The following HYAL4 variants were observed in gnomAD, a reference collection of about 807,000 sequenced individuals.
HYAL4 encodes the protein hyaluronidase 4.
HYAL4 carries 37 observed loss-of-function variants against 35.2 expected under a neutral mutation model. That is an observed-to-expected ratio of 1.05 (90% CI 0.81 to 1.38). The LOEUF (loss-of-function observed/expected upper bound fraction) is 1.38, where lower values mean the gene tolerates loss of function less well. Among genes scored for constraint, HYAL4 ranks in the 40% most tolerant of loss-of-function variants. The probability of loss-of-function intolerance (pLI) is 0.00; values close to 1 mark genes in which losing one functional copy is unlikely to be tolerated. For missense variants in HYAL4, 572 were observed against 572.4 expected, an observed-to-expected ratio of 1.00 and a Z score of 0.01; for synonymous variants, 198 against 203.2, an observed-to-expected ratio of 0.97 and a Z score of 0.22.
chr7:123,861,127 TC>T (rs916922434), intron 2 of HYAL4, among the ~76,000 whole-genome samples: 43 of 152,248 alleles, frequency 2.8e-4, no homozygotes, highest in African/African-American at 1.0e-3. Context: ...TCCAACTCTC[TC>T]CTGCTTAAAT....
At position 123,877,013 on chromosome 7, in the gene HYAL4, G is replaced by C; in HGVS notation, c.1304G>C (p.Cys435Ser). Residue 435 changes from cysteine to serine, a missense_variant, in exon 5 of 5, where the codon TGT becomes TCT. By Grantham distance (112) the Cys-to-Ser change is moderately radical (BLOSUM62 -1). Transcript: ENST00000223026. ...DLAVMADTFS[C>S]HCYQGYEGAD... ...GCAGTGATGGCAGATACATTTTCCTGTCATTGTTATCAGGGATATGAAGGA... is the reference window on the plus strand; with the variant it reads ...GCAGTGATGGCAGATACATTTTCCTCTCATTGTTATCAGGGATATGAAGGA... 6.2e-7 allele frequency: 1 copy of C among 1,614,212 alleles called. No homozygotes were observed. Among genetic ancestry groups the C allele is most frequent in the Middle Eastern group, 1.6e-4 (1 of 6,062 alleles).
chr7:123,874,715 TG>T (rs760879781), intron 3 of HYAL4, 45 bp from the exon 4 acceptor site: 1 of 1,195,134 alleles, frequency 8.4e-7, no homozygotes, highest in South Asian at 1.2e-5. Flanking sequence ...CCTGGTGGAT[TG>T]TTTTACATTC....
chr7:123,851,436 C>G (rs1258101632), intron 2 of HYAL4, among the ~76,000 whole-genome samples: 1 of 152,036 alleles, frequency 6.6e-6, no homozygotes, highest in Non-Finnish European at 1.5e-5. Flanking sequence ...TGTTCCCCTC[C>G]CTGTGTCCAT....
At chr7:123,806,278 T>C in the HYAL4 span, among the ~76,000 whole-genome samples, 1 of 152,146 alleles carries the variant, frequency 6.6e-6, no homozygotes, top group African/African-American at 2.4e-5. Flanking sequence ...GTAAGTTCCA[T>C]AGGTGGGCTT....
chr7:123,771,172 T>C, the HYAL4 span, among the ~76,000 whole-genome samples: 3 of 152,200 alleles, frequency 2.0e-5, no homozygotes, highest in African/African-American at 4.8e-5. Flanking sequence ...TTTCCTGATA[T>C]AATATCATGG....
chr7:123,849,105 C>CTTAAAG (rs1285489723), intron 2 of HYAL4, among the ~76,000 whole-genome samples: 8 of 152,076 alleles, frequency 5.3e-5, no homozygotes, highest in Admixed American at 5.2e-4. Context: ...AAAGAGAAAT[C>CTTAAAG]TTAAAGTTGA....
At chr7:123,860,296 C>G (rs1043373993) in intron 2 of HYAL4, among the ~76,000 whole-genome samples, 2 of 152,134 alleles carry the variant, frequency 1.3e-5, no homozygotes, top group African/African-American at 4.8e-5. Flanking sequence ...CAGGTATTTC[C>G]TTATAGCAGT....
intron 2 of HYAL4, among the ~76,000 whole-genome samples, chr7:123,861,224 C>G (rs1049076271): frequency 6.6e-6 from 1 of 152,146 alleles, no homozygotes; most frequent in African/African-American, 2.4e-5. Flanking sequence ...TATCCCAACA[C>G]TCCTAATCAA....
intron 3 of HYAL4, among the ~76,000 whole-genome samples, chr7:123,869,519 A>G (rs953461057): frequency 1.3e-5 from 2 of 152,196 alleles, no homozygotes; most frequent in African/African-American, 2.4e-5. Context: ...CTCACTTACA[A>G]TCGGGCATTT....
the HYAL4 span, among the ~76,000 whole-genome samples, chr7:123,765,343 A>G: frequency 6.6e-6 from 1 of 152,168 alleles, no homozygotes; most frequent in East Asian, 1.9e-4. Flanking sequence ...GTAGGTAAGG[A>G]GAAAAATAGC....
the HYAL4 span, among the ~76,000 whole-genome samples, chr7:123,781,116 G>A: frequency 0.078 from 2,917 of 37,174 alleles, 66 homozygotes; most frequent in Middle Eastern, 0.16. Context: ...CAGTTGAGAC[G>A]AGAGGAAGGC....
chr7:123,796,749 C>G, the HYAL4 span, among the ~76,000 whole-genome samples: 1 of 152,090 alleles, frequency 6.6e-6, no homozygotes, highest in Non-Finnish European at 1.5e-5. Context: ...GAATATTATT[C>G]AGCCATGAAA....
At chr7:123,814,379 A>G in the HYAL4 span, 1 of 152,678 alleles carries the variant, frequency 6.5e-6, no homozygotes, top group Non-Finnish European at 1.5e-5. Context: ...ATTTTATCCA[A>G]ATGAATTAGG....
the HYAL4 span, among the ~76,000 whole-genome samples, chr7:123,776,102 A>G: frequency 6.6e-6 from 1 of 152,248 alleles, no homozygotes; most frequent in Non-Finnish European, 1.5e-5. Context: ...GCATAAAGTA[A>G]GATATCTTTC....
chr7:123,777,452 G>T, the HYAL4 span, among the ~76,000 whole-genome samples: 593 of 152,148 alleles, frequency 3.9e-3, 2 homozygotes, highest in African/African-American at 9.4e-3. Flanking sequence ...AATTATACAT[G>T]TGGCTTGCAT....
At position 123,835,828 on chromosome 7, in the gene HYAL4, T is replaced by C. The variant is rs537516683; in HGVS notation, c.-257+6704T>C. Among the ~76,000 whole-genome samples the C allele has an allele frequency of 3.9e-5, 6 of 152,336 alleles. No homozygotes were observed. In the East Asian group the frequency reaches 1.2e-3, roughly 29 times the overall value. On this transcript the variant is annotated intron_variant, in intron 1 of 4. Coordinates refer to the HYAL4 transcript ENST00000489978. The stretch of plus-strand genomic sequence containing the variant: ...TTTTAAATTTCCTTCTTTATTTCAC[T>C]GTTGACCCAATGATCATTCAGGAGC...
At chr7:123,785,832 A>G in the HYAL4 span, among the ~76,000 whole-genome samples, 1 of 152,208 alleles carries the variant, frequency 6.6e-6, no homozygotes, top group Non-Finnish European at 1.5e-5. This position sits in a 1 kb window ranked among gnomAD's most constrained non-coding sequence, Gnocchi z 4.5. Context: ...GCCCTGGATT[A>G]CATTGAAAAT....
chr7:123,845,506 C>T lies in HYAL4; in HGVS notation c.-301C>T, dbSNP rs531908729. The T allele has an allele frequency of 2.6e-5, 4 of 152,194 alleles. No individual in the cohort carries two copies. Among genetic ancestry groups the T allele is most frequent in the East Asian group, 3.9e-4 (2 of 5,172 alleles). The allele number at this position is 152,194 out of a possible 1,614,324, so 9.4% of individuals were successfully genotyped here. On this transcript the variant is annotated 5_prime_UTR_variant, in exon 1 of 5. Transcript: ENST00000223026. ...TACAGGGGTGAGCCACCGTGCCTTGCTATTTATGCCATCTATTTCACTGAA... is the reference window on the plus strand; with the variant it reads ...TACAGGGGTGAGCCACCGTGCCTTGTTATTTATGCCATCTATTTCACTGAA...
chr7:123,767,702 A>G, the HYAL4 span, among the ~76,000 whole-genome samples: 28 of 152,306 alleles, frequency 1.8e-4, 4 homozygotes, highest in Admixed American at 1.6e-3. Flanking sequence ...CATGACATTG[A>G]GTTAGGTTGA....
Sources: gnomAD v4.1 joint callset for allele counts (sites outside exome capture counted in the v4.1 genomes callset) on GRCh38, gnomAD v4.1.1 for gene constraint, Gnocchi (gnomAD v3.1) non-coding constraint, MANE v1.5 for transcripts, NCBI Gene and HGNC (gene_info 2026-07-23, HGNC 2026-07-21) for gene names.